Variants in PRKCD observed in about 807,000 individuals in gnomAD.
PRKCD encodes the protein protein kinase C delta type.
Under a neutral mutation model 82.2 loss-of-function variants are expected in PRKCD, and 20 were observed. The ratio of observed to expected loss-of-function variants is 0.24; its 90% CI spans 0.17 to 0.35. The LOEUF is 0.35. PRKCD is among the 10% of genes least tolerant of loss of function. The probability of loss-of-function intolerance (pLI) is 1.00; values close to 1 mark genes in which losing one functional copy is unlikely to be tolerated. For synonymous variants in PRKCD, 317 were observed against 337.0 expected (o/e 0.94, Z 0.65); for missense variants, 607 against 899.0 (o/e 0.68, Z 4.15).
chr3:53,190,893 GA>G (rs1433090128), intron 18 of PRKCD, among the ~76,000 whole-genome samples: 2 of 100,012 alleles, frequency 2.0e-5, no homozygotes, highest in East Asian at 5.8e-4. Context: ...CCAGCTGCAA[GA>G]AAATCACACA....
At position 53,189,141 on chromosome 3, in the gene PRKCD, C is replaced by G. The variant is rs1308577890; in HGVS notation, c.1638C>G (p.Ser546=). ...VLLYEMLIGQ[S]PFHGDDEDEL... ...TGTACGAGATGCTCATTGGCCAGTC[C>G]CCCTTCCATGGTGATGATGAGGATG... is the stretch of plus-strand genomic sequence containing the variant. Residue 546 remains serine, a synonymous_variant, in exon 17 of 19, where the codon TCC becomes TCG. Coordinates refer to ENST00000330452, the MANE Select transcript of PRKCD (RefSeq NM_006254.4). 6.2e-7 allele frequency: 1 copy of G among 1,614,088 alleles called. No individual in the cohort carries two copies. Among genetic ancestry groups the G allele is most frequent in the Non-Finnish European group, 8.5e-7 (1 of 1,180,032 alleles).
At chr3:53,184,778 G>A (rs1703609322) in intron 9 of PRKCD, 96 bp from the exon 10 acceptor site, 26 of 962,756 alleles carry the variant, frequency 2.7e-5, no homozygotes, top group Middle Eastern at 2.1e-4. Flanking sequence ...CCCCACTGAA[G>A]CCCTCCTTTC....
intron 15 of PRKCD, among the ~76,000 whole-genome samples, chr3:53,188,304 A>C (rs1703790500): frequency 6.6e-6 from 1 of 151,508 alleles, no homozygotes. Flanking sequence ...TGGAAGGTAG[A>C]CTTTGTACTG....
Position 53,178,451 on chromosome 3 carries a change from A to G in PRKCD, c.29A>G (p.Asn10Ser), listed in dbSNP as rs1703297044. The change falls in exon 3 of 19, where the codon AAC (asparagine) becomes AGC (serine). Residue 10 changes from asparagine to serine, a missense_variant. This residue lies in a region of PRKCD where 161 missense variants were observed against 227.0 expected (regional missense o/e 0.71). Coordinates refer to ENST00000330452, the MANE Select transcript of PRKCD (RefSeq NM_006254.4). ...GCGCCGTTCCTGCGCATCGCCTTCAACTCCTATGAGCTGGGCTCCCTGCAG... is the reference window on the plus strand; with the variant it reads ...GCGCCGTTCCTGCGCATCGCCTTCAGCTCCTATGAGCTGGGCTCCCTGCAG... MAPFLRIAFNSYELGSLQAE... is the reference protein window; with the variant it reads MAPFLRIAFSSYELGSLQAE... 2 of 1,612,408 alleles carry G rather than the reference A, an allele frequency of 1.2e-6. No homozygotes were observed. The highest frequency in any genetic ancestry group is 1.1e-5 in the South Asian group (1 of 91,026).
At chr3:53,164,706 A>G (rs181432140) in intron 1 of PRKCD, among the ~76,000 whole-genome samples, 21 of 152,274 alleles carry the variant, frequency 1.4e-4, no homozygotes, top group Non-Finnish European at 2.4e-4. Flanking sequence ...TAGTTTCCCC[A>G]TTAAAAAAAC....
intron 7 of PRKCD, among the ~76,000 whole-genome samples, 195 bp from the exon 8 acceptor site, chr3:53,182,926 G>A (rs1220966752): frequency 5.9e-5 from 9 of 152,154 alleles, no homozygotes; most frequent in Non-Finnish European, 4.4e-5. Context: ...TCTCCGCCCC[G>A]TCCTCTCCAG....
rs140359417 is a variant in PRKCD at position 53,185,932 on chromosome 3, A to G, written c.991A>G (p.Ser331Gly). The G allele has an allele frequency of 2.0e-5, 32 of 1,614,060 alleles. No individual in the cohort carries two copies. Among genetic ancestry groups the G allele is most frequent in the Non-Finnish European group, 2.7e-5 (32 of 1,180,016 alleles). The change falls in exon 12 of 19, where the codon AGT becomes GGT. Residue 331 changes from serine (S) to glycine (G), a missense_variant. This residue lies in a region of PRKCD where 85 missense variants were observed against 76.1 expected (regional missense o/e 1.12). Transcript: ENST00000330452. Reference protein sequence around the residue: ...GVAGEDMQDNSGTYGKIWEGS... With the variant: ...GVAGEDMQDNGGTYGKIWEGS... Reference sequence around the variant, plus strand: ...AGGTGCCATCTCTCGGGCAGACAACAGTGGGACCTACGGCAAGATCTGGGA... The same window carrying G: ...AGGTGCCATCTCTCGGGCAGACAACGGTGGGACCTACGGCAAGATCTGGGA...
intron 15 of PRKCD, among the ~76,000 whole-genome samples, chr3:53,188,340 A>G (rs1026139192): frequency 6.6e-6 from 1 of 152,152 alleles, no homozygotes; most frequent in African/African-American, 2.4e-5. Flanking sequence ...TCCCATATGC[A>G]TTAAGTATAT....
intron 7 of PRKCD, among the ~76,000 whole-genome samples, chr3:53,182,181 C>T (rs1176622926): frequency 5.9e-5 from 9 of 152,176 alleles, no homozygotes; most frequent in Non-Finnish European, 1.0e-4. Context: ...AGTCAGACTG[C>T]CTGGGTTTGA....
At chr3:53,186,451 A>C (rs1263957904) in intron 13 of PRKCD, 111 bp downstream of exon 13, 1 of 1,403,046 alleles carries the variant, frequency 7.1e-7, no homozygotes, top group Admixed American at 2.0e-5. Flanking sequence ...AGGCAGGGCC[A>C]TGCTTTCCCC....
At chr3:53,162,219 A>T (rs1326061558) in intron 1 of PRKCD, among the ~76,000 whole-genome samples, 1 of 150,744 alleles carries the variant, frequency 6.6e-6, no homozygotes, top group Non-Finnish European at 1.5e-5. Context: ...CTCGCCCCCA[A>T]CCCAGATGCC....
intron 2 of PRKCD, among the ~76,000 whole-genome samples, chr3:53,167,952 T>C (rs552328617): frequency 6.6e-6 from 1 of 152,358 alleles, no homozygotes; most frequent in East Asian, 1.9e-4. Flanking sequence ...GTCCAGCCCC[T>C]GCCTGCTCTT....
chr3:53,165,982 C>T lies in PRKCD; in HGVS notation c.-20+767C>T, dbSNP rs564038148. ...TGACCGGGCCCCAGTGAACAGGGTA[C>T]TGGTGGTGGGTATGGGTGCTAATGA... On this transcript the variant is annotated intron_variant, in intron 2 of 18. Transcript: ENST00000330452. 9.2e-5 allele frequency among the ~76,000 whole-genome samples: 14 copies of T among 152,308 alleles called. No homozygotes were observed. The East Asian group carries it at 2.5e-3, about 27-fold the overall frequency.
At chr3:53,182,696 A>G (rs1703491211) in intron 7 of PRKCD, among the ~76,000 whole-genome samples, 1 of 152,068 alleles carries the variant, frequency 6.6e-6, no homozygotes, top group East Asian at 2.0e-4. Flanking sequence ...GAAGTCTGTT[A>G]TCATTATTAC....
Position 53,192,664 on chromosome 3 carries a change from T to C in PRKCD, c.*398T>C, listed in dbSNP as rs1458475368. 6.8e-6 allele frequency: 1 copy of C among 146,104 alleles called. No individual in the cohort carries two copies. Among genetic ancestry groups the C allele is most frequent in the African/African-American group, 2.5e-5 (1 of 39,804 alleles). The allele number at this position is 146,104 out of a possible 1,614,324, so 9.1% of individuals were successfully genotyped here. A position where few individuals can be genotyped will look rare whatever the true frequency, so the allele number is the denominator to read the frequency against. ...AAAAAAAAAAAAAAGGAGCACAAGC[T>C]GTTTGAACCACCAGGTTTATTTGTG... On this transcript the variant is annotated 3_prime_UTR_variant, in exon 19 of 19. Transcript: ENST00000330452.
rs372987006 is a variant in PRKCD at position 53,189,748 on chromosome 3, C to T, written c.1744-125C>T. ...CCAGAGTGGCCTCCCTCAGCCCCAC[C>T]GTTCCCCAGGCTGACTGGGGCTGGG... On this transcript the variant is annotated intron_variant, in intron 17 of 18. Transcript: ENST00000330452. 1.0e-4 allele frequency: 138 copies of T among 1,385,842 alleles called. No individual in the cohort carries two copies. In the African/African-American group the frequency reaches 1.2e-3, roughly 12 times the overall value. The allele number at this position is 1,385,842 out of a possible 1,614,324, so 85.8% of individuals were successfully genotyped here.
At chr3:53,163,555 C>G (rs995651072) in intron 1 of PRKCD, among the ~76,000 whole-genome samples, 1 of 152,088 alleles carries the variant, frequency 6.6e-6, no homozygotes, top group African/African-American at 2.4e-5. Flanking sequence ...CAAGCTAGGC[C>G]TCTCAAGGCT....
chr3:53,166,171 G>A (rs1702826182), intron 2 of PRKCD, among the ~76,000 whole-genome samples: 1 of 149,548 alleles, frequency 6.7e-6, no homozygotes. Context: ...CTCTGGGTTG[G>A]GGGCAGAAGG....
chr3:53,178,526 C>T lies in PRKCD; in HGVS notation c.104C>T (p.Ala35Val), dbSNP rs782070830. ...TTCTGTGCCGTGAAGATGAAGGAGGCGCTCAGCACAGGTAGGCCTGGAGGC... is the reference window on the plus strand; with the variant it reads ...TTCTGTGCCGTGAAGATGAAGGAGGTGCTCAGCACAGGTAGGCCTGGAGGC... ...QPFCAVKMKEALSTERGKTLV... is the reference protein window; with the variant it reads ...QPFCAVKMKEVLSTERGKTLV... The change falls in exon 3 of 19, where the codon GCG becomes GTG. Residue 35 changes from alanine (A) to valine (V), a missense_variant. Physicochemically the swap from Ala to Val is moderately conservative, Grantham distance 64. Coordinates refer to ENST00000330452, the MANE Select transcript of PRKCD (RefSeq NM_006254.4). 21 of 1,612,454 alleles carry T rather than the reference C, an allele frequency of 1.3e-5. No homozygotes were observed. Among genetic ancestry groups the T allele is most frequent in the Admixed American group, 3.3e-5 (2 of 59,992 alleles).
Sources: gnomAD v4.1 joint callset for allele counts (sites outside exome capture counted in the v4.1 genomes callset) on GRCh38, gnomAD v4.1.1 for gene constraint, gnomAD v4.1.1 regional missense constraint, MANE v1.5 for transcripts, NCBI Gene and HGNC (gene_info 2026-07-23, HGNC 2026-07-21) for gene names.